The following KIF1B variants were observed in gnomAD, a reference collection of about 807,000 sequenced individuals.
KIF1B encodes the protein kinesin-like protein KIF1B.
A neutral mutation model predicts 241.9 loss-of-function variants in KIF1B; 76 were observed. That is an observed-to-expected ratio of 0.31 (90% CI 0.26 to 0.38). KIF1B has a LOEUF of 0.38. Among genes scored for constraint, KIF1B ranks in the 10% least tolerant of loss-of-function variants. The pLI, the probability that KIF1B is intolerant of heterozygous loss-of-function variation, is 1.00. For missense variants in KIF1B, 1,622 were observed against 2,271.4 expected, an observed-to-expected ratio of 0.71 and a Z score of 5.81; for synonymous variants, 750 against 796.7, an observed-to-expected ratio of 0.94 and a Z score of 0.99.
At chr1:10,242,719 G>A (rs1264664921) in intron 2 of KIF1B, among the ~76,000 whole-genome samples, 3 of 152,104 alleles carry the variant, frequency 2.0e-5, no homozygotes, top group Non-Finnish European at 4.4e-5. Flanking sequence ...GTTTCACCAT[G>A]TTGGCCAGGC....
At chr1:10,354,212 C>A (rs778048953) in intron 38 of KIF1B, among the ~76,000 whole-genome samples, 3 of 152,250 alleles carry the variant, frequency 2.0e-5, no homozygotes, top group South Asian at 4.1e-4. Context: ...ACAACAACAA[C>A]AAAAAACACC....
At chr1:10,280,237 T>G (rs1431068441) in intron 14 of KIF1B, among the ~76,000 whole-genome samples, 2 of 152,114 alleles carry the variant, frequency 1.3e-5, no homozygotes, top group African/African-American at 4.8e-5. Flanking sequence ...TTTTTTTTCT[T>G]TTTTCTTTTC....
intron 4 of KIF1B, among the ~76,000 whole-genome samples, chr1:10,259,060 G>T (rs1007236798): frequency 1.7e-4 from 26 of 150,594 alleles, no homozygotes; most frequent in East Asian, 1.9e-4. Context: ...ATTATTTTTG[G>T]TTTTTTTGAT....
chr1:10,283,538 G>C (rs1428205782), intron 15 of KIF1B, among the ~76,000 whole-genome samples: 1 of 152,212 alleles, frequency 6.6e-6, no homozygotes, highest in Admixed American at 6.5e-5. Context: ...ACTCATAGCT[G>C]CTTCTCTTCC....
intron 5 of KIF1B, among the ~76,000 whole-genome samples, chr1:10,266,604 G>A (rs988579567): frequency 4.6e-5 from 7 of 152,110 alleles, no homozygotes; most frequent in Admixed American, 6.5e-5. Context: ...AGCATCACCC[G>A]TCTGTTTTGT....
rs1185185195 is a variant in KIF1B, at chr1:10,379,528, A to G, written c.*2941A>G. 3 of 231,542 alleles carry G rather than the reference A, an allele frequency of 1.3e-5. No homozygotes were observed. Among genetic ancestry groups the G allele is most frequent in the African/African-American group, 6.6e-5 (3 of 45,242 alleles). 14.3% of individuals were successfully genotyped at this position (231,542 alleles called of 1,614,324 possible). On this transcript the variant is annotated 3_prime_UTR_variant, in exon 49 of 49. Coordinates refer to ENST00000676179, the MANE Select transcript of KIF1B (RefSeq NM_001365951.3). Reference sequence around the variant, plus strand: ...AGGCTGTGAGAGATTTGTGGCAGGAACTGTTTATGAGGCTCTAGTTGTTGC... The same window carrying G: ...AGGCTGTGAGAGATTTGTGGCAGGAGCTGTTTATGAGGCTCTAGTTGTTGC...
chr1:10,372,177 GAGA>G (rs1321501425), intron 45 of KIF1B, among the ~76,000 whole-genome samples: 1 of 152,112 alleles, frequency 6.6e-6, no homozygotes, highest in Non-Finnish European at 1.5e-5. Context: ...GTGCCACTAA[GAGA>G]AGAAGAAAAA....
At chr1:10,333,567 C>T (rs996491884) in intron 27 of KIF1B, among the ~76,000 whole-genome samples, 7 of 151,442 alleles carry the variant, frequency 4.6e-5, no homozygotes, top group Non-Finnish European at 8.8e-5. Flanking sequence ...TGGCGGGCGC[C>T]GATAGTCCCA....
chr1:10,324,662 T>C, intron 25 of KIF1B, 96 bp from the exon 26 acceptor site: 2 of 1,464,972 alleles, frequency 1.4e-6, no homozygotes, highest in Non-Finnish European at 1.9e-6. Context: ...CCTTTTTTTT[T>C]TTTTGAAGAA....
intron 7 of KIF1B, among the ~76,000 whole-genome samples, chr1:10,269,495 A>G (rs1469769667): frequency 6.9e-6 from 1 of 145,096 alleles, no homozygotes; most frequent in Non-Finnish European, 1.5e-5. Context: ...AGCATGGGTG[A>G]CAGAGCGAGA....
intron 2 of KIF1B, among the ~76,000 whole-genome samples, chr1:10,234,758 G>A (rs965314355): frequency 2.0e-5 from 3 of 151,860 alleles, no homozygotes; most frequent in Non-Finnish European, 4.4e-5. Flanking sequence ...TCCTGGGCTC[G>A]AGTGATCCTT....
intron 48 of KIF1B, among the ~76,000 whole-genome samples, chr1:10,376,260 CTTCT>C: frequency 6.6e-6 from 1 of 152,200 alleles, no homozygotes; most frequent in East Asian, 1.9e-4. Context: ...AATTATTTTC[CTTCT>C]TTGTCTTTTT....
At chr1:10,223,144 C>T (rs1404614068) in intron 1 of KIF1B, among the ~76,000 whole-genome samples, 1 of 152,074 alleles carries the variant, frequency 6.6e-6, no homozygotes, top group East Asian at 1.9e-4. Flanking sequence ...CCCAGCTACT[C>T]GGGAGGCTGA....
At chr1:10,292,687 A>T (rs868267473) in intron 17 of KIF1B, among the ~76,000 whole-genome samples, 7 of 152,248 alleles carry the variant, frequency 4.6e-5, no homozygotes, top group Non-Finnish European at 7.3e-5. Flanking sequence ...TCCTTTTTAC[A>T]TAATCATAGT....
Position 10,228,088 on chromosome 1 carries a change from G to C in KIF1B, c.-79-4162G>C, listed in dbSNP as rs773529027. ...TAATCCCAGCTACTCGGGAGGCTGA[G>C]GCAGGAGAATTGCTTGAATCCCGAA... On this transcript the variant is annotated intron_variant, in intron 1 of 48. Transcript: ENST00000676179. Among the ~76,000 whole-genome samples the C allele has an allele frequency of 7.2e-5, 11 of 151,910 alleles. No homozygotes were observed. In the East Asian group the frequency reaches 1.2e-3, roughly 16 times the overall value.
intron 22 of KIF1B, chr1:10,304,359 G>A (rs748987727): frequency 6.2e-7 from 1 of 1,614,208 alleles, no homozygotes; most frequent in Non-Finnish European, 8.5e-7. Context: ...ATAATGGCCA[G>A]CCGAAAAGTA....
chr1:10,347,045 G>A (rs965381028), intron 35 of KIF1B, among the ~76,000 whole-genome samples: 4 of 152,192 alleles, frequency 2.6e-5, no homozygotes, highest in African/African-American at 4.8e-5. Flanking sequence ...ACTCTGTCTC[G>A]ATGAGCTGAG....
intron 5 of KIF1B, 81 bp downstream of exon 5, chr1:10,262,051 C>A: frequency 1.1e-6 from 1 of 916,950 alleles, no homozygotes; most frequent in Non-Finnish European, 1.8e-6. Flanking sequence ...CAAATTATGA[C>A]TGTGGTACAC....
At chr1:10,334,149 CAAAAAAAAAAAA>C (rs372716443) in intron 27 of KIF1B, among the ~76,000 whole-genome samples, 1 of 82,942 alleles carries the variant, frequency 1.2e-5, no homozygotes, top group Non-Finnish European at 2.3e-5. Context: ...GACTCTGTCT[CAAAAAAAAAAAA>C]AAAAAAAAGG....
Sources: gnomAD v4.1 joint callset for allele counts (sites outside exome capture counted in the v4.1 genomes callset) on GRCh38, gnomAD v4.1.1 for gene constraint, MANE v1.5 for transcripts, NCBI Gene and HGNC (gene_info 2026-07-23, HGNC 2026-07-21) for gene names.